NSMAF: variants seen among roughly 807,000 people sequenced by gnomAD.
NSMAF encodes the protein protein FAN.
In NSMAF, 90 loss-of-function variants were observed where a neutral mutation model predicts 134.9. The ratio of observed to expected loss-of-function variants is 0.67; its 90% CI spans 0.56 to 0.79. NSMAF has a LOEUF of 0.79. Among genes scored for constraint, NSMAF ranks in the 30% least tolerant of loss-of-function variants. The pLI is 0.00. For synonymous variants in NSMAF, 358 were observed against 389.6 expected (o/e 0.92, Z 0.96); for missense variants, 1,010 against 1,119.0 (o/e 0.90, Z 1.39).
rs766917243 is a variant in NSMAF at position 58,585,948 on chromosome 8, A to T, written c.2499T>A (p.Asp833Glu). 6 of 1,614,104 alleles carry T rather than the reference A, an allele frequency of 3.7e-6. No homozygotes were observed. The highest frequency in any genetic ancestry group is 5.1e-6 in the Non-Finnish European group (6 of 1,180,016). The part of the protein sequence containing the change: ...TGTDGCLNVI[D>E]VQTGMLISSM... ...AGGAGATGAGCATTCCTGTCTGCAC[A>T]TCAATGACATTAAGACAGCCATCTG... Residue 833 changes from aspartate (D) to glutamate (E), a missense_variant, in exon 29 of 31, where the codon GAT (aspartate) becomes GAA (glutamate). Transcript: ENST00000038176.
chr8:58,632,678 T>C (rs1323023549), intron 5 of NSMAF, among the ~76,000 whole-genome samples: 2 of 152,190 alleles, frequency 1.3e-5, no homozygotes, highest in Non-Finnish European at 2.9e-5. Context: ...CCACAGGGCT[T>C]TAAAAAGTCT....
chr8:58,601,643 C>A, intron 14 of NSMAF, 108 bp from the exon 15 acceptor site: 1 of 1,359,138 alleles, frequency 7.4e-7, no homozygotes, highest in Non-Finnish European at 9.7e-7. Flanking sequence ...TACCATATTC[C>A]TTAATTTCTC....
chr8:58,603,027 C>T (rs1031934617), intron 13 of NSMAF, among the ~76,000 whole-genome samples, 183 bp downstream of exon 13: 1 of 152,108 alleles, frequency 6.6e-6, no homozygotes, highest in Admixed American at 6.5e-5. Flanking sequence ...GAAACACTTA[C>T]GTAACACTTA....
chr8:58,601,651 C>A, intron 14 of NSMAF, 116 bp from the exon 15 acceptor site: 1 of 1,336,064 alleles, frequency 7.5e-7, no homozygotes, highest in Non-Finnish European at 9.9e-7. Flanking sequence ...TCCTTAATTT[C>A]TCTGTTAGAT....
intron 24 of NSMAF, 139 bp from the exon 25 acceptor site, chr8:58,590,213 C>G: frequency 1.4e-6 from 1 of 706,252 alleles, no homozygotes; most frequent in Non-Finnish European, 2.4e-6. Context: ...CGCAGATTTT[C>G]TCAACTGGCT....
At chr8:58,625,110 T>G (rs537675229) in intron 6 of NSMAF, among the ~76,000 whole-genome samples, 17 of 152,320 alleles carry the variant, frequency 1.1e-4, no homozygotes, top group Non-Finnish European at 2.2e-4. Context: ...TGGGTGGGCC[T>G]CATCGGATCC....
At chr8:58,616,333 T>G (rs866365561) in intron 9 of NSMAF, among the ~76,000 whole-genome samples, 12 of 152,022 alleles carry the variant, frequency 7.9e-5, no homozygotes, top group Admixed American at 1.3e-4. Flanking sequence ...CAGAGCAATA[T>G]CCCTCATCAA....
intron 6 of NSMAF, among the ~76,000 whole-genome samples, chr8:58,624,541 A>G (rs1253562736): frequency 1.3e-5 from 2 of 149,484 alleles, no homozygotes; most frequent in Non-Finnish European, 3.0e-5. Flanking sequence ...ATGTTGTTTA[A>G]TTTTCACATA....
intron 6 of NSMAF, among the ~76,000 whole-genome samples, chr8:58,628,222 T>C (rs1421768835): frequency 6.6e-6 from 1 of 152,146 alleles, no homozygotes; most frequent in East Asian, 1.9e-4. Context: ...TCTTACTTTA[T>C]ACAAAAATCA....
intron 28 of NSMAF, 122 bp downstream of exon 28, chr8:58,586,336 T>C: frequency 1.9e-6 from 2 of 1,037,902 alleles, no homozygotes; most frequent in Non-Finnish European, 2.8e-6. Context: ...GCAAAACCTC[T>C]TTTATCAGCA....
At chr8:58,608,794 G>A (rs1806462231) in intron 10 of NSMAF, among the ~76,000 whole-genome samples, 1 of 152,172 alleles carries the variant, frequency 6.6e-6, no homozygotes, top group Non-Finnish European at 1.5e-5. Context: ...ACTCAGGAGA[G>A]TTTGAGATGT....
In NSMAF at chr8:58,606,517, T is replaced by C. The variant is rs1010856348; in HGVS notation, c.760-482A>G. ...TGCAGCCTCAAACTCCCAGGCTCAA[T>C]TGATCCTCCCACCTCAGCCTCTCGA... On this transcript the variant is annotated intron_variant, in intron 11 of 30. Transcript: ENST00000038176. Among the ~76,000 whole-genome samples, 6 of 152,116 alleles carry C rather than the reference T, an allele frequency of 3.9e-5. No homozygotes were observed. In the East Asian group the frequency reaches 9.6e-4, roughly 24 times the overall value.
chr8:58,651,193 T>C (rs993826176), intron 1 of NSMAF, among the ~76,000 whole-genome samples: 5 of 152,230 alleles, frequency 3.3e-5, no homozygotes, highest in African/African-American at 9.6e-5. Flanking sequence ...ACATTAATCC[T>C]TTTTTGTTAA....
In NSMAF at chr8:58,643,048, C is replaced by A; in HGVS notation, c.85G>T (p.Glu29Ter). The A allele has an allele frequency of 2.5e-6, 4 of 1,614,034 alleles. No individual in the cohort carries two copies. Among genetic ancestry groups the A allele is most frequent in the Non-Finnish European group, 3.4e-6 (4 of 1,179,960 alleles). ...ERFSLLLLNL[E>*]EYYFEQHRAN... ...CTATGCTGTTCAAAGTAGTACTCCT[C>A]CAAGTTAAGCAGCAGCAAGGAAAAT... The change falls in exon 2 of 31, where the codon GAG becomes TAG. Residue 29 changes from glutamate (E) to a stop codon, truncating the protein, a stop_gained. Transcript: ENST00000038176. LOFTEE classifies it high-confidence loss of function.
chr8:58,601,542 T>C lies in NSMAF; in HGVS notation c.1126-7A>G, dbSNP rs755460261. 9 of 1,236,926 alleles carry C rather than the reference T, an allele frequency of 7.3e-6. No individual in the cohort carries two copies. The highest frequency in any genetic ancestry group is 3.6e-5 in the Admixed American group (1 of 27,414). 76.6% of individuals were successfully genotyped at this position (1,236,926 alleles called of 1,614,324 possible). ...GCATTTCCTGGTAGCGTGTCTAGAA[T>C]ACAGAAAAAAAAAAAAAATAGAGCT... On this transcript the variant is annotated splice_region_variant and splice_polypyrimidine_tract_variant and intron_variant, in intron 14 of 30. Coordinates refer to ENST00000038176, the MANE Select transcript of NSMAF (RefSeq NM_003580.4).
Position 58,659,593 on chromosome 8 carries a change from C to G in NSMAF, c.39G>C (p.Leu13=). 6.6e-7 allele frequency: 1 copy of G among 1,505,220 alleles called. No individual in the cohort carries two copies. The highest frequency in any genetic ancestry group is 8.9e-7 in the Non-Finnish European group (1 of 1,129,414). 93.2% of individuals were successfully genotyped at this position (1,505,220 alleles called of 1,614,324 possible). A position where few individuals can be genotyped will look rare whatever the true frequency, so the allele number is the denominator to read the frequency against. Residue 13 remains leucine, a synonymous_variant, in exon 1 of 31, where the codon CTG becomes CTC. Transcript: ENST00000038176. The part of the protein sequence containing the change: ...FIRKKQQEQQ[L]QLYSKERFSL... ...CGCACCTCTCCTTGGAGTAGAGCTG[C>G]AGCTGCTGCTCCTGCTGCTTCTTCC...
At chr8:58,623,133 T>C in intron 9 of NSMAF, 87 bp downstream of exon 9, 1 of 1,026,426 alleles carries the variant, frequency 9.7e-7, no homozygotes, top group South Asian at 1.4e-5. Context: ...AGACCAATGA[T>C]GACAGCAGGC....
chr8:58,657,998 A>G (rs1273275144), intron 1 of NSMAF, among the ~76,000 whole-genome samples: 1 of 152,230 alleles, frequency 6.6e-6, no homozygotes, highest in African/African-American at 2.4e-5. Flanking sequence ...TTGAACACAA[A>G]TTACTTCATC....
chr8:58,649,166 A>G (rs549365454), intron 1 of NSMAF, among the ~76,000 whole-genome samples: 1 of 152,358 alleles, frequency 6.6e-6, no homozygotes, highest in East Asian at 1.9e-4. Flanking sequence ...GTGTGGGACA[A>G]GGAGTCATAG....
Sources: gnomAD v4.1 joint callset for allele counts (sites outside exome capture counted in the v4.1 genomes callset) on GRCh38, gnomAD v4.1.1 for gene constraint, MANE v1.5 for transcripts, NCBI Gene and HGNC (gene_info 2026-07-23, HGNC 2026-07-21) for gene names.